MORC3: variants seen among roughly 807,000 people sequenced by gnomAD.
The protein encoded by MORC3 is MORC family CW-type zinc finger protein 3.
A neutral mutation model predicts 109.1 loss-of-function variants in MORC3; 31 were observed. That is an observed-to-expected ratio of 0.28 (90% confidence interval 0.21 to 0.38). The LOEUF (loss-of-function observed/expected upper bound fraction) is 0.38. MORC3 is among the 10% of genes least tolerant of loss of function. The pLI, the probability that MORC3 is intolerant of heterozygous loss-of-function variation, is 1.00. For missense variants in MORC3, 867 were observed against 1,135.8 expected (o/e 0.76, Z 3.40); for synonymous variants, 395 against 380.7 (o/e 1.04, Z -0.44).
At chr21:36,341,287 G>C in intron 5 of MORC3, 112 bp from the exon 6 acceptor site, 4 of 996,492 alleles carry the variant, frequency 4.0e-6, no homozygotes, top group Non-Finnish European at 5.8e-6. Flanking sequence ...CCACTGACGT[G>C]CACCATGTGT....
At chr21:36,357,994 G>A (rs1407283811) in intron 10 of MORC3, among the ~76,000 whole-genome samples, 2 of 150,736 alleles carry the variant, frequency 1.3e-5, no homozygotes, top group African/African-American at 2.4e-5. Context: ...GCCTGCCTTG[G>A]CCTCCCAAAG....
At chr21:36,345,919 G>A (rs2085502679) in intron 8 of MORC3, among the ~76,000 whole-genome samples, 1 of 152,176 alleles carries the variant, frequency 6.6e-6, no homozygotes, top group South Asian at 2.1e-4. Context: ...TTGGCTCACT[G>A]CAGCCTCTGA....
chr21:36,364,293 A>C (rs761994860), intron 14 of MORC3, 34 bp downstream of exon 14: 1 of 1,598,054 alleles, frequency 6.3e-7, no homozygotes, highest in Non-Finnish European at 8.6e-7. Context: ...CATTTGGGGA[A>C]TATTAAACAG....
At chr21:36,339,996 C>T (rs540380575) in intron 5 of MORC3, among the ~76,000 whole-genome samples, 2 of 152,008 alleles carry the variant, frequency 1.3e-5, no homozygotes, top group Non-Finnish European at 2.9e-5. Context: ...AACTATAGTA[C>T]AGCCAGGCAC....
At chr21:36,331,023 T>G (rs2085308964) in intron 1 of MORC3, among the ~76,000 whole-genome samples, 1 of 152,216 alleles carries the variant, frequency 6.6e-6, no homozygotes, top group African/African-American at 2.4e-5. Flanking sequence ...TTCTCACTTG[T>G]GTGCTTCAAC....
intron 15 of MORC3, among the ~76,000 whole-genome samples, chr21:36,370,702 G>A (rs539385466): frequency 3.4e-5 from 4 of 118,484 alleles, no homozygotes; most frequent in Admixed American, 1.1e-4. Context: ...ATTTCGCTCT[G>A]TTGCCCAGGC....
intron 9 of MORC3, among the ~76,000 whole-genome samples, chr21:36,353,693 A>G (rs2085603029): frequency 6.9e-6 from 1 of 145,410 alleles, no homozygotes; most frequent in African/African-American, 2.6e-5. Context: ...AATTCTCCCT[A>G]TCTCAGCCTC....
chr21:36,325,863 C>G (rs982055983), intron 1 of MORC3, among the ~76,000 whole-genome samples: 2 of 152,024 alleles, frequency 1.3e-5, no homozygotes, highest in African/African-American at 2.4e-5. Context: ...ACCTATTAGT[C>G]ACTTAGTAGC....
intron 1 of MORC3, 134 bp downstream of exon 1, chr21:36,320,437 G>GAGCGAGAT: frequency 2.3e-6 from 2 of 881,130 alleles, no homozygotes; most frequent in Non-Finnish European, 1.5e-6. Context: ...CCCGGGGAGG[G>GAGCGAGAT]GGCGGCCATC....
chr21:36,374,711 C>T (rs2085909994), intron 16 of MORC3, among the ~76,000 whole-genome samples: 1 of 152,112 alleles, frequency 6.6e-6, no homozygotes. Flanking sequence ...GGGAGAATTG[C>T]GTGAACCCTG....
chr21:36,358,197 C>T (rs1417237919), intron 10 of MORC3, among the ~76,000 whole-genome samples: 1 of 151,190 alleles, frequency 6.6e-6, no homozygotes, highest in African/African-American at 2.4e-5. Flanking sequence ...CCCACCTGAT[C>T]AACATGGTAA....
chr21:36,338,963 G>A (rs905958435), intron 5 of MORC3, 42 bp downstream of exon 5: 1 of 1,597,952 alleles, frequency 6.3e-7, no homozygotes. Context: ...GAAGTAAAGT[G>A]CACGTGCAGG....
chr21:36,337,342 G>T (rs922691277), intron 3 of MORC3, among the ~76,000 whole-genome samples: 83 of 152,224 alleles, frequency 5.5e-4, no homozygotes, highest in Middle Eastern at 3.4e-3. Context: ...ACTTTTAGAG[G>T]AAGAGATTCA....
rs2085920712 is a variant in MORC3 at position 36,375,520 on chromosome 21, G to A, written c.*224G>A. The A allele has an allele frequency of 2.5e-6, 1 of 399,564 alleles. No homozygotes were observed. The highest frequency in any genetic ancestry group is 4.5e-6 in the Non-Finnish European group (1 of 222,742). The allele number at this position is 399,564 out of a possible 1,614,324, so 24.8% of individuals were successfully genotyped here. A position where few individuals can be genotyped will look rare whatever the true frequency, so the allele number is the denominator to read the frequency against. ...CATTGAGCAGCTGAAGCTAACTCAT[G>A]ACTCTGTTTTGAATGTAAATATTTG... On this transcript the variant is annotated 3_prime_UTR_variant, in exon 17 of 17. Transcript: ENST00000400485.
At position 36,333,793 on chromosome 21, in the gene MORC3, T is replaced by TGTTTTGTTTTG. The variant is rs369567761; in HGVS notation, c.112+75_112+76insGTTTTGTTTTG. The TGTTTTGTTTTG allele has an allele frequency of 5.4e-6, 7 of 1,288,024 alleles. No individual in the cohort carries two copies. In the African/African-American group the frequency reaches 9.1e-5, roughly 17 times the overall value. 79.8% of individuals were successfully genotyped at this position (1,288,024 alleles called of 1,614,324 possible). On this transcript the variant is annotated intron_variant, in intron 2 of 16. Transcript: ENST00000400485. ...TTTTTTTTTTTGTTTTGTTTTGTTT[T>TGTTTTGTTTTG]TTTTTTTTAAACAGAGTCTCTCTCT... is the stretch of plus-strand genomic sequence containing the variant.
chr21:36,326,906 C>G (rs909667459), intron 1 of MORC3, among the ~76,000 whole-genome samples: 1 of 151,248 alleles, frequency 6.6e-6, no homozygotes, highest in Non-Finnish European at 1.5e-5. Context: ...ACCTCTGCTT[C>G]CCGGGTTTAA....
rs545221922 is a variant in MORC3, at chr21:36,351,178, C to T, written c.1103+1770C>T. The stretch of plus-strand genomic sequence containing the variant: ...TGCCTCTGGGATTCAAGTGATTCTC[C>T]TGCCTCAGCCTCCCGAGTAGCTGGG... On this transcript the variant is annotated intron_variant, in intron 9 of 16. Transcript: ENST00000400485. Among the ~76,000 whole-genome samples the T allele has an allele frequency of 2.7e-5, 4 of 149,496 alleles. No individual in the cohort carries two copies. The East Asian group carries it at 8.1e-4, about 30-fold the overall frequency.
At chr21:36,351,057 CTTTTTTTTTTTTT>C (rs748042243) in intron 9 of MORC3, among the ~76,000 whole-genome samples, 6 of 71,428 alleles carry the variant, frequency 8.4e-5, no homozygotes, top group South Asian at 5.6e-4. Context: ...GGTTGTCCTC[CTTTTTTTTTTTTT>C]TTTTTTTTTT....
chr21:36,365,051 C>CA (rs72445251), intron 14 of MORC3, among the ~76,000 whole-genome samples: 1,471 of 94,310 alleles, frequency 0.016, 78 homozygotes, highest in African/African-American at 0.049. Flanking sequence ...GACTCCATCT[C>CA]AAAAAAAAAA....
Sources: allele counts gnomAD v4.1 joint callset (sites outside exome capture counted in the v4.1 genomes callset), GRCh38; gene constraint gnomAD v4.1.1; transcripts MANE v1.5; gene names NCBI Gene and HGNC (gene_info 2026-07-23, HGNC 2026-07-21).